The following CSMD1 variants were observed in gnomAD, a reference collection of about 807,000 sequenced individuals.
CSMD1 encodes CUB and Sushi multiple domains 1, also known as CUB and sushi domain-containing protein 1.
A neutral mutation model predicts 417.5 loss-of-function variants in CSMD1; 213 were observed. The observed-to-expected ratio is 0.51, with a 90% CI of 0.46 to 0.57. The LOEUF is 0.57. CSMD1 is among the 20% of genes least tolerant of loss of function. The probability of loss-of-function intolerance (pLI) is 0.00; values close to 1 mark genes in which losing one functional copy is unlikely to be tolerated. For synonymous variants in CSMD1, 2,862 were observed against 1,736.8 expected (o/e 1.65, Z -16.11); for missense variants, 6,923 against 4,529.7 (o/e 1.53, Z -15.17).
chr8:3,918,151 A>G (rs745906517), intron 5 of CSMD1, among the ~76,000 whole-genome samples: 54 of 152,110 alleles, frequency 3.6e-4, no homozygotes, highest in Non-Finnish European at 6.2e-4. Context: ...TGCTCCAGTA[A>G]ACATGGGAGT....
At chr8:3,670,201 G>A (rs562246507) in intron 7 of CSMD1, among the ~76,000 whole-genome samples, 3 of 151,878 alleles carry the variant, frequency 2.0e-5, no homozygotes, top group Non-Finnish European at 4.4e-5. Context: ...ATCTGGGTGG[G>A]TACCCTCTAA....
intron 3 of CSMD1, among the ~76,000 whole-genome samples, chr8:4,083,364 A>G (rs1241005192): frequency 2.6e-5 from 4 of 152,184 alleles, no homozygotes; most frequent in Non-Finnish European, 5.9e-5. Context: ...TCTGATGGCC[A>G]GTGATGGTGA....
At chr8:4,310,170 C>T (rs1020650379) in intron 3 of CSMD1, among the ~76,000 whole-genome samples, 25 of 152,282 alleles carry the variant, frequency 1.6e-4, no homozygotes, top group African/African-American at 6.0e-4. Flanking sequence ...GGTATTGCAT[C>T]AGACCATAAA....
At chr8:4,138,243 G>A (rs117627488) in intron 3 of CSMD1, among the ~76,000 whole-genome samples, 7,237 of 84,706 alleles carry the variant, frequency 0.085, 2,235 homozygotes, top group Non-Finnish European at 0.15. Flanking sequence ...CTAACTGATG[G>A]GTTTTCCTTT....
intron 11 of CSMD1, among the ~76,000 whole-genome samples, chr8:3,489,384 C>T (rs895831261): frequency 1.3e-5 from 2 of 152,178 alleles, no homozygotes; most frequent in African/African-American, 4.8e-5. Context: ...AAACTGTAAC[C>T]TGTGCCTGCC....
At chr8:3,980,010 A>G (rs1813731627) in intron 5 of CSMD1, among the ~76,000 whole-genome samples, 1 of 152,250 alleles carries the variant, frequency 6.6e-6, no homozygotes, top group Non-Finnish European at 1.5e-5. Context: ...AGATACTTCA[A>G]ACTGTGTATT....
intron 6 of CSMD1, among the ~76,000 whole-genome samples, chr8:3,742,554 G>T (rs1291386367): frequency 6.6e-6 from 1 of 152,154 alleles, no homozygotes; most frequent in East Asian, 1.9e-4. Flanking sequence ...TGTGGACATG[G>T]TGAAGAAAGT....
intron 1 of CSMD1, among the ~76,000 whole-genome samples, chr8:4,871,308 C>G (rs1802727087): frequency 6.6e-6 from 1 of 152,116 alleles, no homozygotes; most frequent in Admixed American, 6.5e-5. Context: ...TTCTTGCCTT[C>G]TTTCACGGAT....
intron 52 of CSMD1, among the ~76,000 whole-genome samples, chr8:3,011,745 T>G (rs922706497): frequency 1.3e-5 from 2 of 152,222 alleles, no homozygotes; most frequent in African/African-American, 2.4e-5. Context: ...TGGGTTCTTA[T>G]GTGCTGAAAA....
Position 3,700,248 on chromosome 8 carries a change from C to G in CSMD1, c.1009+8166G>C, listed in dbSNP as rs144518285. Among the ~76,000 whole-genome samples, 206 of 152,166 alleles carry G rather than the reference C, an allele frequency of 1.4e-3. 1 individual carries two copies. The highest frequency in any genetic ancestry group is 4.8e-3 in the African/African-American group (201 of 41,516). On this transcript the variant is annotated intron_variant, in intron 7 of 69. Transcript: ENST00000635120. ...CCATATACCACCTGTACCCCAATAA[C>G]TTATGGAAAAAATACGAAAAATAAT...
intron 2 of CSMD1, among the ~76,000 whole-genome samples, chr8:4,456,273 G>C (rs889704257): frequency 2.6e-5 from 4 of 152,168 alleles, no homozygotes; most frequent in East Asian, 1.9e-4. Flanking sequence ...AAGATGTTAA[G>C]TGAGATCTAA....
At chr8:3,575,114 T>C (rs1221177008) in intron 9 of CSMD1, 48 bp from the exon 10 acceptor site, 2 of 1,595,698 alleles carry the variant, frequency 1.3e-6, no homozygotes, top group Admixed American at 1.7e-5. Flanking sequence ...TTGTGTCAGT[T>C]TGGTAAAGAC....
At chr8:4,985,390 T>C (rs990113707) in intron 1 of CSMD1, among the ~76,000 whole-genome samples, 1 of 151,466 alleles carries the variant, frequency 6.6e-6, no homozygotes. Context: ...TAAAAAAAAA[T>C]GTGGTGTAGG....
intron 1 of CSMD1, among the ~76,000 whole-genome samples, chr8:4,694,208 T>C (rs62484583): frequency 0.08 from 12,120 of 152,274 alleles, 618 homozygotes; most frequent in East Asian, 0.15. Context: ...GCGTATCTGA[T>C]TGCTTCCTTT....
chr8:4,708,534 T>C (rs925553144), intron 1 of CSMD1, among the ~76,000 whole-genome samples: 2 of 152,170 alleles, frequency 1.3e-5, no homozygotes, highest in African/African-American at 2.4e-5. Context: ...AAAATGAAGG[T>C]AAATTAAAGG....
intron 10 of CSMD1, among the ~76,000 whole-genome samples, chr8:3,494,554 T>TGATAGATAGGTAGGCAGATAGATAGATA (rs1202224581): frequency 4.1e-5 from 6 of 145,634 alleles, no homozygotes; most frequent in Non-Finnish European, 6.0e-5. Context: ...ACAGATTAGA[T>TGATAGATAGGTAGGCAGATAGATAGATA]GATAGATAGA....
intron 1 of CSMD1, among the ~76,000 whole-genome samples, chr8:4,777,949 G>A (rs1184599669): frequency 6.6e-6 from 1 of 152,218 alleles, no homozygotes; most frequent in Non-Finnish European, 1.5e-5. Flanking sequence ...TAGTAGGGAT[G>A]TGTGACAAAT....
rs186811944 is a variant in CSMD1 at position 3,037,865 on chromosome 8, C to T, written c.7661-8352G>A. 2.0e-5 allele frequency among the ~76,000 whole-genome samples: 3 copies of T among 152,266 alleles called. No homozygotes were observed. In the East Asian group the frequency reaches 5.8e-4, roughly 29 times the overall value. On this transcript the variant is annotated intron_variant, in intron 50 of 69. Transcript: ENST00000635120. ...GTCTCAAGGCATTAAGTTCTAGCTT[C>T]TTCTTCCCCAAGATTTCCAACTGAA...
At position 4,550,461 on chromosome 8, in the gene CSMD1, T is replaced by A. The variant is rs182844245; in HGVS notation, c.302+86881A>T. 5.3e-5 allele frequency among the ~76,000 whole-genome samples: 8 copies of A among 152,198 alleles called. No homozygotes were observed. In the East Asian group the frequency reaches 1.5e-3, roughly 29 times the overall value. ...AAACTGTAAACTAAAGGTATTGCATTTTTAGGTCACTTTGATACATCAGCT... is the reference window on the plus strand; with the variant it reads ...AAACTGTAAACTAAAGGTATTGCATATTTAGGTCACTTTGATACATCAGCT... On this transcript the variant is annotated intron_variant, in intron 2 of 69. Transcript: ENST00000635120.
Sources: allele counts gnomAD v4.1 joint callset (sites outside exome capture counted in the v4.1 genomes callset), GRCh38; gene constraint gnomAD v4.1.1; transcripts MANE v1.5; gene names NCBI Gene and HGNC (gene_info 2026-07-23, HGNC 2026-07-21).